SNX24: variants seen among roughly 807,000 people sequenced by gnomAD.
The protein encoded by SNX24 is sorting nexin-24.
Under a neutral mutation model 28.7 loss-of-function variants are expected in SNX24, and 22 were observed. The ratio of observed to expected loss-of-function variants is 0.77; its 90% CI spans 0.55 to 1.10. The LOEUF is 1.10. SNX24 is among the 50% of genes least tolerant of loss of function. The pLI is 0.00. For missense variants in SNX24, 221 were observed against 201.1 expected (o/e 1.10, Z -0.60); for synonymous variants, 69 against 71.5 (o/e 0.96, Z 0.18).
At chr5:122,998,144 A>G (rs1478699621) in intron 3 of SNX24, 1 of 152,144 alleles carries the variant, frequency 6.6e-6, no homozygotes, top group African/African-American at 2.4e-5. Flanking sequence ...ATGCCTCTGG[A>G]TAAAGGAGGT....
chr5:122,997,306 T>G (rs1480197180), intron 3 of SNX24, among the ~76,000 whole-genome samples: 1 of 152,224 alleles, frequency 6.6e-6, no homozygotes, highest in Non-Finnish European at 1.5e-5. Context: ...TATTGGTCAT[T>G]GTTTTATGGA....
At chr5:122,886,128 G>A (rs1420394261) in intron 1 of SNX24, among the ~76,000 whole-genome samples, 1 of 152,176 alleles carries the variant, frequency 6.6e-6, no homozygotes, top group Non-Finnish European at 1.5e-5. Context: ...GTAGGTGAGG[G>A]GGAGTGCAAG....
At chr5:122,953,114 T>C (rs944198942) in intron 3 of SNX24, among the ~76,000 whole-genome samples, 4 of 151,942 alleles carry the variant, frequency 2.6e-5, no homozygotes, top group Non-Finnish European at 5.9e-5. Context: ...TCCTTTCTTT[T>C]TTTTTTTGGA....
chr5:122,958,534 G>A (rs966241592), intron 3 of SNX24, among the ~76,000 whole-genome samples: 7 of 151,832 alleles, frequency 4.6e-5, no homozygotes, highest in Admixed American at 6.6e-5. Flanking sequence ...GATTACAGGC[G>A]TGTGAGCCAC....
At chr5:123,020,980 A>G (rs1475631104) in intron 5 of SNX24, among the ~76,000 whole-genome samples, 1 of 151,902 alleles carries the variant, frequency 6.6e-6, no homozygotes, top group African/African-American at 2.4e-5. Context: ...GGCCAACAGG[A>G]CAGCCCTGCT....
At chr5:122,913,951 A>T (rs867213541) in intron 1 of SNX24, among the ~76,000 whole-genome samples, 1 of 152,340 alleles carries the variant, frequency 6.6e-6, no homozygotes, top group Middle Eastern at 3.4e-3. Flanking sequence ...CCACCAAAAA[A>T]TTACTAAAAC....
downstream of SNX24, among the ~76,000 whole-genome samples, chr5:123,010,851 AT>A (rs202153061): frequency 1.4e-5 from 2 of 140,964 alleles, no homozygotes; most frequent in East Asian, 2.0e-4. Context: ...ATTGCTTTCT[AT>A]TTTTTTTTAT....
chr5:122,984,856 A>T (rs1761529765), intron 3 of SNX24, among the ~76,000 whole-genome samples: 1 of 152,242 alleles, frequency 6.6e-6, no homozygotes, highest in Admixed American at 6.5e-5. Context: ...ACTAAAGACA[A>T]ATTAACCTAA....
chr5:122,878,706 T>G (rs1441997820), intron 1 of SNX24, among the ~76,000 whole-genome samples: 1 of 152,164 alleles, frequency 6.6e-6, no homozygotes, highest in Non-Finnish European at 1.5e-5. Flanking sequence ...TTGTGGTGGC[T>G]TACGCCTGTA....
rs1192030093 is a variant in SNX24 at position 123,001,995 on chromosome 5, G to T, written c.433G>T (p.Ala145Ser). 1 of 1,613,786 alleles carries T rather than the reference G, an allele frequency of 6.2e-7. No individual in the cohort carries two copies. The change falls in exon 6 of 7, where the codon GCA (alanine) becomes TCA (serine). Residue 145 changes from alanine to serine, a missense_variant. By Grantham distance (99) the Ala-to-Ser change is moderately conservative. Transcript: ENST00000261369. ...CCTCAGGGATCCATATGTCTTGCCTGCAGCCAGCGGTAATCAAACCTGTCA... is the reference window on the plus strand; with the variant it reads ...CCTCAGGGATCCATATGTCTTGCCTTCAGCCAGCGGTAATCAAACCTGTCA... Reference protein sequence around the residue: ...LFLRDPYVLPAASDFPNVVIE... With the variant: ...LFLRDPYVLPSASDFPNVVIE...
chr5:122,990,209 C>T (rs1236387100), intron 3 of SNX24, among the ~76,000 whole-genome samples: 1 of 152,188 alleles, frequency 6.6e-6, no homozygotes, highest in African/African-American at 2.4e-5. Context: ...ACTATTTTCC[C>T]ACTAAGTACT....
At chr5:123,002,489 G>A (rs560570591) in intron 6 of SNX24, among the ~76,000 whole-genome samples, 1 of 152,124 alleles carries the variant, frequency 6.6e-6, no homozygotes, top group Non-Finnish European at 1.5e-5. Context: ...AAAATTAGCC[G>A]GGCGTGGTGG....
At chr5:122,924,164 T>G (rs1306545431) in intron 1 of SNX24, among the ~76,000 whole-genome samples, 1 of 152,206 alleles carries the variant, frequency 6.6e-6, no homozygotes, top group Non-Finnish European at 1.5e-5. Flanking sequence ...ATGTGCTATG[T>G]TTTTTCCTAT....
chr5:122,890,203 CTAA>C (rs1164580975), intron 1 of SNX24, among the ~76,000 whole-genome samples: 1 of 152,088 alleles, frequency 6.6e-6, no homozygotes, highest in African/African-American at 2.4e-5. Flanking sequence ...CTGCCCCCGA[CTAA>C]TAATGCTAAT....
chr5:122,957,852 A>G (rs1702957313), intron 3 of SNX24, among the ~76,000 whole-genome samples: 1 of 152,150 alleles, frequency 6.6e-6, no homozygotes, highest in Admixed American at 6.5e-5. Context: ...TCAAAATGTA[A>G]TTGATTTTTA....
At position 123,007,863 on chromosome 5, in the gene SNX24, A is replaced by G; in HGVS notation, c.*114A>G. 1 of 1,509,876 alleles carries G rather than the reference A, an allele frequency of 6.6e-7. No homozygotes were observed. The allele number at this position is 1,509,876 out of a possible 1,614,324, so 93.5% of individuals were successfully genotyped here. A position where few individuals can be genotyped will look rare whatever the true frequency, so the allele number is the denominator to read the frequency against. On this transcript the variant is annotated 3_prime_UTR_variant, in exon 7 of 7. Coordinates refer to ENST00000261369, the MANE Select transcript of SNX24 (RefSeq NM_014035.4). ...ATATATAACAGCTCTAGCTAGTGGT[A>G]AAGTGCACAGTCCCAGCTTAATTCA...
intron 3 of SNX24, among the ~76,000 whole-genome samples, chr5:122,999,455 T>TACACAC (rs71928842): frequency 0.012 from 1,801 of 149,842 alleles, 29 homozygotes; most frequent in African/African-American, 0.036. Context: ...TGTGGGGAGA[T>TACACAC]ACACACACAC....
At chr5:122,857,538 T>C (rs1361206181) in intron 1 of SNX24, among the ~76,000 whole-genome samples, 3 of 152,106 alleles carry the variant, frequency 2.0e-5, no homozygotes, top group African/African-American at 7.2e-5. Flanking sequence ...ATAGTTACTT[T>C]TTCTGATCCT....
chr5:122,971,850 C>T (rs1760971305), intron 3 of SNX24, among the ~76,000 whole-genome samples: 1 of 146,266 alleles, frequency 6.8e-6, no homozygotes, highest in Non-Finnish European at 1.5e-5. Flanking sequence ...CCTTTGCCCT[C>T]AGCCAGCACC....
Sources: gnomAD v4.1 joint callset for allele counts (sites outside exome capture counted in the v4.1 genomes callset) on GRCh38, gnomAD v4.1.1 for gene constraint, MANE v1.5 for transcripts, NCBI Gene and HGNC (gene_info 2026-07-23, HGNC 2026-07-21) for gene names.